EPB41L5: variants seen among roughly 807,000 people sequenced by gnomAD.
EPB41L5 encodes band 4.1-like protein 5.
EPB41L5 carries 55 observed loss-of-function variants against 106.6 expected under a neutral mutation model. That is an observed-to-expected ratio of 0.52 (90% CI 0.42 to 0.65). The LOEUF (loss-of-function observed/expected upper bound fraction) is 0.65. Ranked by LOEUF, EPB41L5 falls within the 30% of genes least tolerant of loss-of-function variation. EPB41L5 has a pLI of 0.00. For synonymous variants in EPB41L5, 297 were observed against 306.7 expected (o/e 0.97, Z 0.33); for missense variants, 871 against 882.1 (o/e 0.99, Z 0.16).
At chr2:120,128,283 A>ACACACACT (rs2105464193) in intron 17 of EPB41L5, among the ~76,000 whole-genome samples, 1 of 152,112 alleles carries the variant, frequency 6.6e-6, no homozygotes, top group Non-Finnish European at 1.5e-5. Context: ...ACACACACAC[A>ACACACACT]CACACACATT....
At chr2:120,054,018 C>T (rs1329841167) in intron 3 of EPB41L5, among the ~76,000 whole-genome samples, 1 of 152,188 alleles carries the variant, frequency 6.6e-6, no homozygotes, top group Non-Finnish European at 1.5e-5. Flanking sequence ...TTCCACACTC[C>T]CTACCAGCAG....
intron 3 of EPB41L5, 138 bp from the exon 4 acceptor site, chr2:120,073,040 A>T: frequency 1.5e-6 from 1 of 687,340 alleles, no homozygotes; most frequent in Non-Finnish European, 2.4e-6. Flanking sequence ...CTCTTTTCTC[A>T]TTCACTTGGG....
At chr2:120,166,737 G>A (rs565528438) in intron 22 of EPB41L5, among the ~76,000 whole-genome samples, 64 of 152,296 alleles carry the variant, frequency 4.2e-4, no homozygotes, top group Non-Finnish European at 8.1e-4. Flanking sequence ...CGCCCAGCCT[G>A]TGTTTTTATT....
intron 3 of EPB41L5, among the ~76,000 whole-genome samples, chr2:120,068,085 C>G (rs1027023411): frequency 1.3e-5 from 2 of 152,164 alleles, no homozygotes; most frequent in Non-Finnish European, 2.9e-5. Context: ...GTACCCAGCT[C>G]ATCTCATTGG....
chr2:120,093,175 TTTTGC>T, intron 13 of EPB41L5, 69 bp from the exon 14 acceptor site: 1 of 1,196,210 alleles, frequency 8.4e-7, no homozygotes. Flanking sequence ...TTAGTTAAAG[TTTTGC>T]TTTGAATAGT....
At chr2:120,131,468 G>T (rs1574727921) in intron 17 of EPB41L5, 150 bp from the exon 18 acceptor site, 1 of 603,868 alleles carries the variant, frequency 1.7e-6, no homozygotes, top group Non-Finnish European at 3.0e-6. Context: ...GTTATGGAAA[G>T]AAAATATATT....
At chr2:120,068,085 C>T (rs1027023411) in intron 3 of EPB41L5, among the ~76,000 whole-genome samples, 1 of 152,164 alleles carries the variant, frequency 6.6e-6, no homozygotes, top group African/African-American at 2.4e-5. Flanking sequence ...GTACCCAGCT[C>T]ATCTCATTGG....
At position 120,113,021 on chromosome 2, in the gene EPB41L5, AATT is replaced by A. The variant is rs151329044; in HGVS notation, c.1337+12208_1337+12210del. Among the ~76,000 whole-genome samples, 1,036 of 152,296 alleles carry A rather than the reference AATT, an allele frequency of 6.8e-3. 10 individuals carry two copies. The highest frequency in any genetic ancestry group is 0.024 in the African/African-American group (1,002 of 41,552). ...TGTAGAGAGTAAAAAGGAATGTAAT[AATT>A]CTATTTTAGGGGGCAGTGTGAAGAA... On this transcript the variant is annotated intron_variant, in intron 16 of 24. Coordinates refer to ENST00000263713, the MANE Select transcript of EPB41L5 (RefSeq NM_020909.4).
Position 120,053,439 on chromosome 2 carries a change from T to C in EPB41L5, c.285+11329T>C, listed in dbSNP as rs1388252394. On this transcript the variant is annotated intron_variant, in intron 3 of 24. Coordinates refer to ENST00000263713, the MANE Select transcript of EPB41L5 (RefSeq NM_020909.4). Reference sequence around the variant, plus strand: ...TTTAGAATTGTTCAGCCATCATCACTAATTCCAGAACATTTTCATCACCCC... The same window carrying C: ...TTTAGAATTGTTCAGCCATCATCACCAATTCCAGAACATTTTCATCACCCC... Among the ~76,000 whole-genome samples the C allele has an allele frequency of 2.0e-5, 3 of 152,348 alleles. No homozygotes were observed. The East Asian group carries it at 5.8e-4, about 29-fold the overall frequency.
At chr2:120,148,784 T>G (rs1043964993) in intron 20 of EPB41L5, among the ~76,000 whole-genome samples, 7 of 152,210 alleles carry the variant, frequency 4.6e-5, no homozygotes, top group African/African-American at 1.7e-4. Context: ...TTGTTTCCAC[T>G]CTTTAGCTAT....
chr2:120,039,607 C>T (rs572753130), intron 2 of EPB41L5, among the ~76,000 whole-genome samples: 2 of 152,090 alleles, frequency 1.3e-5, no homozygotes, highest in South Asian at 4.2e-4. Context: ...GGGCGGATCA[C>T]CTGAGGTCGG....
At chr2:120,162,256 T>C (rs1447313193) in intron 21 of EPB41L5, among the ~76,000 whole-genome samples, 1 of 152,224 alleles carries the variant, frequency 6.6e-6, no homozygotes, top group Non-Finnish European at 1.5e-5. Flanking sequence ...GCCTTTTCTG[T>C]ATCCACTCGC....
At chr2:120,094,700 T>A (rs1486311082) in intron 14 of EPB41L5, among the ~76,000 whole-genome samples, 1 of 152,184 alleles carries the variant, frequency 6.6e-6, no homozygotes, top group Non-Finnish European at 1.5e-5. Context: ...TTTAAAGATA[T>A]TAAATTTCCT....
intron 16 of EPB41L5, among the ~76,000 whole-genome samples, chr2:120,122,914 C>T (rs1685290860): frequency 6.6e-6 from 1 of 152,104 alleles, no homozygotes. Flanking sequence ...GTATTTTATT[C>T]TCTTTGAAGC....
intron 16 of EPB41L5, among the ~76,000 whole-genome samples, chr2:120,123,002 A>G (rs1224474803): frequency 6.6e-6 from 1 of 152,154 alleles, no homozygotes; most frequent in African/African-American, 2.4e-5. Context: ...ATTTTTACAC[A>G]TTGATTTTTG....
At chr2:120,038,627 C>T (rs1679193717) in intron 2 of EPB41L5, among the ~76,000 whole-genome samples, 1 of 152,116 alleles carries the variant, frequency 6.6e-6, no homozygotes, top group Admixed American at 6.6e-5. Context: ...CATGGTTGTG[C>T]ACCTTAGTCC....
intron 3 of EPB41L5, among the ~76,000 whole-genome samples, chr2:120,065,533 G>A (rs1259785959): frequency 9.7e-5 from 12 of 123,150 alleles, no homozygotes; most frequent in Admixed American, 1.8e-4. Flanking sequence ...TTTTTTTTGA[G>A]ATGGAGTCTC....
In EPB41L5 at chr2:120,178,834, G is replaced by C. The variant is rs1688002735; in HGVS notation, c.*3927G>C. 1 of 152,218 alleles carries C rather than the reference G, an allele frequency of 6.6e-6. No homozygotes were observed. The highest frequency in any genetic ancestry group is 1.5e-5 in the Non-Finnish European group (1 of 68,040). The allele number at this position is 152,218 out of a possible 1,614,324, so 9.4% of individuals were successfully genotyped here. ...CTTGTCAGGATTTCTCCTCTTCAGA[G>C]AGATTTTTTTTTATAGCACAGATTC... On this transcript the variant is annotated 3_prime_UTR_variant, in exon 25 of 25. Transcript: ENST00000263713.
chr2:120,043,925 T>C (rs1679596769), intron 3 of EPB41L5, among the ~76,000 whole-genome samples: 2 of 152,078 alleles, frequency 1.3e-5, no homozygotes, highest in African/African-American at 4.8e-5. Context: ...GGAGGGAGGA[T>C]AACTTGAGGC....
Sources: allele counts gnomAD v4.1 joint callset (sites outside exome capture counted in the v4.1 genomes callset), GRCh38; gene constraint gnomAD v4.1.1; transcripts MANE v1.5; gene names NCBI Gene and HGNC (gene_info 2026-07-23, HGNC 2026-07-21).